IQCH: variants seen among roughly 807,000 people sequenced by gnomAD.
IQCH encodes the protein IQ motif containing H, also known as IQ domain-containing protein H.
Under a neutral mutation model 117.0 loss-of-function variants are expected in IQCH, and 98 were observed. The ratio of observed to expected loss-of-function variants is 0.84; its 90% CI spans 0.71 to 0.99. The LOEUF is 0.99. Among genes scored for constraint, IQCH ranks in the 50% least tolerant of loss-of-function variants. The probability of loss-of-function intolerance (pLI) is 0.00; values close to 1 mark genes in which losing one functional copy is unlikely to be tolerated. For missense variants in IQCH, 1,102 were observed against 1,243.8 expected, an observed-to-expected ratio of 0.89 and a Z score of 1.72; for synonymous variants, 412 against 448.2, an observed-to-expected ratio of 0.92 and a Z score of 1.02.
intron 14 of IQCH, among the ~76,000 whole-genome samples, chr15:67,412,922 G>A (rs922907124): frequency 1.3e-5 from 2 of 152,136 alleles, no homozygotes; most frequent in African/African-American, 4.8e-5. Context: ...CCATTTTAAA[G>A]CAAGAGAAAT....
At position 67,407,691 on chromosome 15, in the gene IQCH, C is replaced by T. The variant is rs892798648; in HGVS notation, c.2097+7386C>T. The T allele has an allele frequency of 6.6e-6, 1 of 152,220 alleles. No individual in the cohort carries two copies. The highest frequency in any genetic ancestry group is 2.1e-4 in the South Asian group (1 of 4,832). The allele number at this position is 152,220 out of a possible 1,614,324, so 9.4% of individuals were successfully genotyped here. A position where few individuals can be genotyped will look rare whatever the true frequency, so the allele number is the denominator to read the frequency against. On this transcript the variant is annotated intron_variant, in intron 14 of 20. Coordinates refer to ENST00000335894, the MANE Select transcript of IQCH (RefSeq NM_001031715.3). The surrounding 1 kb of genome is among the most constrained non-coding windows in gnomAD (Gnocchi z 5.3). ...CAAAGTACCCTTTGATTTTCTGTCA[C>T]ACGTTAATTACAGCGTTTTGCCATT...
At chr15:67,260,534 A>G (rs1965412574) in intron 1 of IQCH, among the ~76,000 whole-genome samples, 1 of 152,228 alleles carries the variant, frequency 6.6e-6, no homozygotes, top group East Asian at 1.9e-4. Context: ...ACACATTTAC[A>G]ATAGTCTTTT....
intron 18 of IQCH, among the ~76,000 whole-genome samples, chr15:67,483,045 A>G (rs2083380338): frequency 6.6e-6 from 1 of 152,222 alleles, no homozygotes; most frequent in South Asian, 2.1e-4. Flanking sequence ...GATAAGGGCT[A>G]AGAACACTCC....
intron 10 of IQCH, among the ~76,000 whole-genome samples, chr15:67,380,441 A>G (rs1427739563): frequency 6.6e-6 from 1 of 152,212 alleles, no homozygotes; most frequent in African/African-American, 2.4e-5. Context: ...TATATAAATA[A>G]CCCAGATAGA....
At chr15:67,394,288 C>A (rs2140852423) in intron 12 of IQCH, among the ~76,000 whole-genome samples, 1 of 152,150 alleles carries the variant, frequency 6.6e-6, no homozygotes, top group East Asian at 1.9e-4. Flanking sequence ...GTATCCAAGG[C>A]ACTATTATAA....
At chr15:67,478,753 G>A (rs777513657) in intron 18 of IQCH, among the ~76,000 whole-genome samples, 3 of 152,024 alleles carry the variant, frequency 2.0e-5, no homozygotes, top group Non-Finnish European at 4.4e-5. Flanking sequence ...GTGAAACCCC[G>A]TCTGTACTAA....
At chr15:67,337,765 G>A (rs1431968707) in intron 5 of IQCH, among the ~76,000 whole-genome samples, 2 of 152,192 alleles carry the variant, frequency 1.3e-5, no homozygotes, top group Non-Finnish European at 2.9e-5. Context: ...GTTAAAAAAT[G>A]CCTAAGTGGA....
In IQCH at chr15:67,385,436, A is replaced by G. The variant is rs1971078230; in HGVS notation, c.1456+417A>G. Among the ~76,000 whole-genome samples the G allele has an allele frequency of 6.6e-6, 1 of 152,212 alleles. No individual in the cohort carries two copies. Among genetic ancestry groups the G allele is most frequent in the South Asian group, 2.1e-4 (1 of 4,832 alleles). ...TGAAGCATTGTGTTTTCATAAGAAG[A>G]AAAAGGGGAAAATTAAGATAGATTT... On this transcript the variant is annotated intron_variant, in intron 11 of 20. Coordinates refer to ENST00000335894, the MANE Select transcript of IQCH (RefSeq NM_001031715.3). The surrounding 1 kb of genome is among the most constrained non-coding windows in gnomAD (Gnocchi z 4.6).
chr15:67,468,036 T>TCCACAAA (rs2082977292), intron 17 of IQCH, among the ~76,000 whole-genome samples: 3 of 152,164 alleles, frequency 2.0e-5, no homozygotes, highest in Non-Finnish European at 4.4e-5. Context: ...AAGAACCACT[T>TCCACAAA]GAAGGTGTAA....
chr15:67,374,685 A>T (rs1970679525), intron 10 of IQCH, among the ~76,000 whole-genome samples: 1 of 152,090 alleles, frequency 6.6e-6, no homozygotes, highest in African/African-American at 2.4e-5. Flanking sequence ...TCTTCTTAGG[A>T]TCTAAGTGAG....
At chr15:67,337,371 G>A (rs1968942465) in intron 5 of IQCH, among the ~76,000 whole-genome samples, 1 of 152,134 alleles carries the variant, frequency 6.6e-6, no homozygotes, top group Non-Finnish European at 1.5e-5. Context: ...TGATCATTGT[G>A]TTTATGTGAT....
intron 15 of IQCH, among the ~76,000 whole-genome samples, chr15:67,419,050 G>A (rs2081655642): frequency 6.6e-6 from 1 of 152,234 alleles, no homozygotes; most frequent in East Asian, 1.9e-4. Context: ...CCCAGCGACT[G>A]TCTCATCTGA....
In IQCH at chr15:67,459,332, C is replaced by T. The variant is rs1008930151; in HGVS notation, c.2506-5795C>T. Among the ~76,000 whole-genome samples, 1 of 152,182 alleles carries T rather than the reference C, an allele frequency of 6.6e-6. No homozygotes were observed. Among genetic ancestry groups the T allele is most frequent in the Non-Finnish European group, 1.5e-5 (1 of 68,032 alleles). On this transcript the variant is annotated intron_variant, in intron 16 of 20. Transcript: ENST00000335894. The surrounding 1 kb of genome is among the most constrained non-coding windows in gnomAD (Gnocchi z 4.2). ...TATAAATTAGTCTCTGAGTCCCATA[C>T]GTGCCCTGATGCCCATAGGAGAAGG...
intron 3 of IQCH, among the ~76,000 whole-genome samples, chr15:67,265,064 G>A (rs971301194): frequency 2.0e-5 from 3 of 152,312 alleles, no homozygotes; most frequent in African/African-American, 2.4e-5. Flanking sequence ...AACAGGAGAA[G>A]AGCTGTCACC....
In IQCH at chr15:67,384,142, C is replaced by T. The variant is rs568360805; in HGVS notation, c.1373-794C>T. On this transcript the variant is annotated intron_variant, in intron 10 of 20. Transcript: ENST00000335894. The surrounding 1 kb of genome is among the most constrained non-coding windows in gnomAD (Gnocchi z 4.3). ...ATTTTAATGAAGAAAAAAAAAGTTA[C>T]ACCTACAGTTGTTGAATTTCATATA... Among the ~76,000 whole-genome samples, 2 of 152,228 alleles carry T rather than the reference C, an allele frequency of 1.3e-5. No individual in the cohort carries two copies. Among genetic ancestry groups the T allele is most frequent in the South Asian group, 2.1e-4 (1 of 4,826 alleles).
rs137913787 is a variant in IQCH, at chr15:67,298,766, T to C, written c.387+19254T>C. Among the ~76,000 whole-genome samples the C allele has an allele frequency of 8.8e-3, 1,336 of 152,132 alleles. 19 individuals are homozygous for C. The highest frequency in any genetic ancestry group is 0.031 in the African/African-American group (1,278 of 41,492). ...CTGTAATCTCAGCTACTTGGGAGGC[T>C]GAGGCACAAGAATCACATGAACCCG... On this transcript the variant is annotated intron_variant, in intron 4 of 20. Coordinates refer to ENST00000335894, the MANE Select transcript of IQCH (RefSeq NM_001031715.3).
rs2082416160 is a variant in IQCH, at chr15:67,447,469, C to T, written c.2506-17658C>T. On this transcript the variant is annotated intron_variant, in intron 16 of 20. Transcript: ENST00000335894. The surrounding 1 kb of genome is among the most constrained non-coding windows in gnomAD (Gnocchi z 5.3). ...CAGATAACTGAATCCAAAAGGTTCC[C>T]TTATGATAAGCATGTAGTACCTGGG... Among the ~76,000 whole-genome samples, 3 of 152,158 alleles carry T rather than the reference C, an allele frequency of 2.0e-5. No individual in the cohort carries two copies. Among genetic ancestry groups the T allele is most frequent in the Admixed American group, 6.5e-5 (1 of 15,274 alleles).
In IQCH at chr15:67,388,083, G is replaced by A. The variant is rs1232689783; in HGVS notation, c.1457-748G>A. On this transcript the variant is annotated intron_variant, in intron 11 of 20. Transcript: ENST00000335894. This position sits in a 1 kb window ranked among gnomAD's most constrained non-coding sequence, Gnocchi z 5.5. The stretch of plus-strand genomic sequence containing the variant: ...CAAATGAATGACTTCATTGACTGCT[G>A]ATTTCCTATTCATACTCCCTGAAAT... Among the ~76,000 whole-genome samples, 1 of 152,166 alleles carries A rather than the reference G, an allele frequency of 6.6e-6. No individual in the cohort carries two copies. The highest frequency in any genetic ancestry group is 1.5e-5 in the Non-Finnish European group (1 of 68,042).
At chr15:67,480,158 T>C (rs1174834929) in intron 18 of IQCH, among the ~76,000 whole-genome samples, 3 of 152,176 alleles carry the variant, frequency 2.0e-5, no homozygotes. Context: ...CAGCAATCAT[T>C]TCCTCTGGCC....
Sources: gnomAD v4.1 joint callset for allele counts (sites outside exome capture counted in the v4.1 genomes callset) on GRCh38, gnomAD v4.1.1 for gene constraint, Gnocchi (gnomAD v3.1) non-coding constraint, MANE v1.5 for transcripts, NCBI Gene and HGNC (gene_info 2026-07-23, HGNC 2026-07-21) for gene names.